Variants in GPR39 observed in about 807,000 individuals in gnomAD.
GPR39 encodes zinc sensing receptor.
GPR39 carries 23 observed loss-of-function variants against 18.4 expected under a neutral mutation model. The ratio of observed to expected loss-of-function variants is 1.25; its 90% CI spans 0.90 to 1.77. GPR39 has a LOEUF of 1.77. Ranked by LOEUF, GPR39 falls within the 40% of genes most tolerant of loss-of-function variation. The pLI is 0.00. For missense variants in GPR39, 647 were observed against 602.4 expected (o/e 1.07, Z -0.78); for synonymous variants, 280 against 257.9 (o/e 1.09, Z -0.82).
At chr2:132,470,775 C>T (rs371990463) in intron 1 of GPR39, among the ~76,000 whole-genome samples, 8 of 74,716 alleles carry the variant, frequency 1.1e-4, no homozygotes, top group East Asian at 1.0e-3. Context: ...CCTGGGTGGG[C>T]GGGGGAGGGT....
At chr2:132,481,532 A>G (rs1298038784) in intron 1 of GPR39, among the ~76,000 whole-genome samples, 3 of 152,214 alleles carry the variant, frequency 2.0e-5, no homozygotes, top group African/African-American at 4.8e-5. Flanking sequence ...TAAGGTCATT[A>G]TTCTGTCACT....
At chr2:132,483,893 T>A (rs1433186092) in intron 1 of GPR39, among the ~76,000 whole-genome samples, 1 of 152,194 alleles carries the variant, frequency 6.6e-6, no homozygotes, top group East Asian at 1.9e-4. Flanking sequence ...TCAAATTGGA[T>A]GTGGCTAGAA....
chr2:132,490,277 A>C (rs1272309872), intron 1 of GPR39, among the ~76,000 whole-genome samples: 1 of 151,986 alleles, frequency 6.6e-6, no homozygotes, highest in Non-Finnish European at 1.5e-5. Flanking sequence ...ATGAAAAGAA[A>C]GAAATGGAAA....
At chr2:132,602,699 G>T (rs1681063505) in intron 1 of GPR39, among the ~76,000 whole-genome samples, 1 of 151,338 alleles carries the variant, frequency 6.6e-6, no homozygotes, top group African/African-American at 2.4e-5. Context: ...GCAAAAAACT[G>T]AATAATCTGA....
chr2:132,561,044 GC>G (rs993548488), intron 1 of GPR39, among the ~76,000 whole-genome samples: 1 of 151,680 alleles, frequency 6.6e-6, no homozygotes, highest in African/African-American at 2.4e-5. Flanking sequence ...TTCCCGAGTA[GC>G]TGGGACTACA....
At chr2:132,464,093 C>A (rs969089517) in intron 1 of GPR39, among the ~76,000 whole-genome samples, 3 of 152,196 alleles carry the variant, frequency 2.0e-5, no homozygotes, top group African/African-American at 7.2e-5. Flanking sequence ...GCCCAGATTC[C>A]AGCTGGTGAG....
At chr2:132,569,098 C>G (rs1680399178) in intron 1 of GPR39, among the ~76,000 whole-genome samples, 1 of 152,124 alleles carries the variant, frequency 6.6e-6, no homozygotes, top group Admixed American at 6.5e-5. Context: ...AAGAACTCAG[C>G]ACAGTACCTG....
Position 132,543,810 on chromosome 2 carries a change from G to T in GPR39, c.857-101291G>T, listed in dbSNP as rs1679898423. Among the ~76,000 whole-genome samples, 3 of 152,168 alleles carry T rather than the reference G, an allele frequency of 2.0e-5. No individual in the cohort carries two copies. The South Asian group carries it at 6.2e-4, about 32-fold the overall frequency. On this transcript the variant is annotated intron_variant, in intron 1 of 1. Coordinates refer to ENST00000329321, the MANE Select transcript of GPR39 (RefSeq NM_001508.3). Reference sequence around the variant, plus strand: ...CACTAAGATTTGCAGCAGGAGAAAAGAGCATTTATTGCAGGGCACCAAGGG... The same window carrying T: ...CACTAAGATTTGCAGCAGGAGAAAATAGCATTTATTGCAGGGCACCAAGGG...
At chr2:132,439,713 A>G (rs1680399292) in intron 1 of GPR39, among the ~76,000 whole-genome samples, 1 of 152,170 alleles carries the variant, frequency 6.6e-6, no homozygotes, top group African/African-American at 2.4e-5. Flanking sequence ...GAGAGAAGTG[A>G]TTTTTAAAAA....
intron 1 of GPR39, among the ~76,000 whole-genome samples, chr2:132,504,912 G>C (rs185314681): frequency 1.0e-3 from 159 of 152,320 alleles, no homozygotes; most frequent in African/African-American, 3.7e-3. Context: ...TATATTTGGA[G>C]TTAGATTTCT....
chr2:132,434,281 A>T (rs898952483), intron 1 of GPR39, among the ~76,000 whole-genome samples: 1 of 152,166 alleles, frequency 6.6e-6, no homozygotes, highest in Admixed American at 6.5e-5. Flanking sequence ...GAACTCCTTT[A>T]TTTATAAAGC....
Position 132,417,468 on chromosome 2 carries a change from G to A in GPR39, c.426G>A (p.Arg142=), listed in dbSNP as rs1679927215. Residue 142 remains arginine (R), a synonymous_variant, in exon 1 of 2, where the codon AGG becomes AGA. Transcript: ENST00000329321. ...ACATCGCCATCTGTCACCCCTTCAG[G>A]TACAAGGCTGTGTCGGGACCTTGCC... ...ERYIAICHPF[R]YKAVSGPCQV... 1.9e-6 allele frequency: 3 copies of A among 1,614,014 alleles called. No individual in the cohort carries two copies. Among genetic ancestry groups the A allele is most frequent in the Non-Finnish European group, 8.5e-7 (1 of 1,180,032 alleles).
intron 1 of GPR39, among the ~76,000 whole-genome samples, chr2:132,472,076 AATG>A (rs1177786374): frequency 1.3e-5 from 2 of 152,180 alleles, no homozygotes; most frequent in Non-Finnish European, 2.9e-5. Context: ...GGCATTCAGC[AATG>A]ATAACAGATA....
At chr2:132,644,742 CA>C (rs759163909) in intron 1 of GPR39, 2 of 223,504 alleles carry the variant, frequency 8.9e-6, no homozygotes, top group Non-Finnish European at 1.8e-5. Flanking sequence ...TTCTTTAAAA[CA>C]AAAAAAGACA....
chr2:132,519,284 T>TTTATTA (rs71001197), intron 1 of GPR39, among the ~76,000 whole-genome samples: 29 of 151,240 alleles, frequency 1.9e-4, no homozygotes, highest in African/African-American at 3.9e-4. Flanking sequence ...AAGAAGGTTG[T>TTTATTA]TTATTATTAT....
intron 1 of GPR39, among the ~76,000 whole-genome samples, chr2:132,549,536 C>T (rs1680005231): frequency 6.6e-6 from 1 of 152,174 alleles, no homozygotes; most frequent in South Asian, 2.1e-4. Flanking sequence ...CGCCTGTAAT[C>T]CCAGCACTTT....
chr2:132,562,502 T>G lies in GPR39; in HGVS notation c.857-82599T>G, dbSNP rs3115020. ...AGGATTTCTTACGGTTCTCTGCATT[T>G]GCATGGACTCATCCTTCAGTCCAGA... On this transcript the variant is annotated intron_variant, in intron 1 of 1. Transcript: ENST00000329321. Among the ~76,000 whole-genome samples, 1,339 of 152,274 alleles carry G rather than the reference T, an allele frequency of 8.8e-3. 30 individuals carry two copies. Among genetic ancestry groups the G allele is most frequent in the African/African-American group, 0.031 (1,287 of 41,534 alleles).
At chr2:132,517,269 C>G (rs1679351478) in intron 1 of GPR39, among the ~76,000 whole-genome samples, 1 of 151,300 alleles carries the variant, frequency 6.6e-6, no homozygotes, top group Non-Finnish European at 1.5e-5. Flanking sequence ...GTATACAGGA[C>G]CCTAATAAAA....
intron 1 of GPR39, among the ~76,000 whole-genome samples, chr2:132,461,329 T>C (rs1232473029): frequency 6.6e-6 from 1 of 152,182 alleles, no homozygotes; most frequent in Non-Finnish European, 1.5e-5. Flanking sequence ...GGCAGTTTTT[T>C]CCTAGACTTG....
Sources: allele counts gnomAD v4.1 joint callset (sites outside exome capture counted in the v4.1 genomes callset), GRCh38; gene constraint gnomAD v4.1.1; transcripts MANE v1.5; gene names NCBI Gene and HGNC (gene_info 2026-07-23, HGNC 2026-07-21).